The following DISP3 variants were observed in gnomAD, a reference collection of about 807,000 sequenced individuals.
DISP3 encodes protein dispatched homolog 3.
In DISP3, 101 loss-of-function variants were observed where a neutral mutation model predicts 135.3. The ratio of observed to expected loss-of-function variants is 0.75; its 90% confidence interval spans 0.64 to 0.88. DISP3 has a LOEUF of 0.88. Among genes scored for constraint, DISP3 ranks in the 40% least tolerant of loss-of-function variants. The probability of loss-of-function intolerance (pLI) is 0.00; values close to 1 mark genes in which losing one functional copy is unlikely to be tolerated. For synonymous variants in DISP3, 856 were observed against 817.0 expected (o/e 1.05, Z -0.81); for missense variants, 1,713 against 1,878.6 (o/e 0.91, Z 1.63).
intron 1 of DISP3, among the ~76,000 whole-genome samples, chr1:11,486,818 C>T (rs774834928): frequency 1.8e-4 from 28 of 152,078 alleles, no homozygotes; most frequent in African/African-American, 3.6e-4. Flanking sequence ...ATTGGGACTA[C>T]GGGTGCGCAT....
Position 11,524,048 on chromosome 1 carries a change from C to T in DISP3, c.2469C>T (p.Thr823=). Residue 823 remains threonine (T), a synonymous_variant, in exon 11 of 21, where the codon ACC becomes ACT. Coordinates refer to ENST00000294484, the MANE Select transcript of DISP3 (RefSeq NM_020780.2). ...GVPWASRPEA[T]LQDFPGTVYI... ...CCTGGGCTAGCCGGCCTGAGGCCAC[C>T]CTGCAGGGTGAGCACTGGGGGTGGA... The T allele has an allele frequency of 6.2e-7, 1 of 1,610,434 alleles. No homozygotes were observed. Among genetic ancestry groups the T allele is most frequent in the Non-Finnish European group, 8.5e-7 (1 of 1,177,286 alleles).
At position 11,514,396 on chromosome 1, in the gene DISP3, C is replaced by T; in HGVS notation, c.1323C>T (p.Val441=). 3 of 1,611,710 alleles carry T rather than the reference C, an allele frequency of 1.9e-6. No homozygotes were observed. In the South Asian group the frequency reaches 3.3e-5, roughly 18 times the overall value. Residue 441 remains valine (V), a synonymous_variant, in exon 4 of 21, where the codon GTC becomes GTT. Coordinates refer to ENST00000294484, the MANE Select transcript of DISP3 (RefSeq NM_020780.2). ...AMLAKQSTSK[V]QVLYGGTDLF... ...ACGTCCTCCCTTCCCCCAGCAAAGT[C>T]CAGGTTCTCTATGGGGGGACAGACC...
rs753196997 is a variant in DISP3 at position 11,502,116 on chromosome 1, C to T, written c.1096+28C>T. 24 of 1,530,608 alleles carry T rather than the reference C, an allele frequency of 1.6e-5. No individual in the cohort carries two copies. In the East Asian group the frequency reaches 3.6e-4, roughly 23 times the overall value. The allele number at this position is 1,530,608 out of a possible 1,614,324, so 94.8% of individuals were successfully genotyped here. ...GAGCCGCCGGGATGCTGGGAGGGGG[C>T]GTAGGTCCAGGTTTCATACAGCTCT... is the stretch of plus-strand genomic sequence containing the variant. On this transcript the variant is annotated intron_variant, in intron 2 of 20. Transcript: ENST00000294484.
chr1:11,501,437 C>T lies in DISP3; in HGVS notation c.445C>T (p.Gln149Ter). 2 of 1,596,348 alleles carry T rather than the reference C, an allele frequency of 1.3e-6. No individual in the cohort carries two copies. Among genetic ancestry groups the T allele is most frequent in the Non-Finnish European group, 1.7e-6 (2 of 1,171,936 alleles). The change falls in exon 2 of 21, where the codon CAG becomes TAG. Residue 149 changes from glutamine to a stop codon, truncating the protein, a stop_gained. Transcript: ENST00000294484. LOFTEE classifies it high-confidence loss of function. The surrounding 1 kb of genome is among the most constrained non-coding windows in gnomAD (Gnocchi z 4.9). ...DLADFTSETL[Q>*]RLISEQLQQL... is the part of the protein sequence containing the mutation. ...GGCCGACTTCACCTCCGAGACGCTT[C>T]AGCGCCTTATCTCAGAGCAGCTGCA...
At chr1:11,490,984 A>G in intron 1 of DISP3, among the ~76,000 whole-genome samples, 1 of 152,130 alleles carries the variant, frequency 6.6e-6, no homozygotes, top group East Asian at 1.9e-4. Context: ...GTCTGGCCCT[A>G]CCAAGAAGAG....
At chr1:11,480,897 C>T (rs113734994) in intron 1 of DISP3, among the ~76,000 whole-genome samples, 1,825 of 149,148 alleles carry the variant, frequency 0.012, 40 homozygotes, top group African/African-American at 0.043. Flanking sequence ...CATTTTCAGC[C>T]CAGGGTCCAT....
At chr1:11,509,709 T>C (rs1336311569) in intron 3 of DISP3, among the ~76,000 whole-genome samples, 1 of 152,240 alleles carries the variant, frequency 6.6e-6, no homozygotes, top group Non-Finnish European at 1.5e-5. Context: ...AGCTTCTTTT[T>C]TGGTTCATGT....
Position 11,517,501 on chromosome 1 carries a change from C to T in DISP3, c.1788C>T (p.Leu596=), listed in dbSNP as rs376122183. Residue 596 remains leucine, a synonymous_variant, in exon 7 of 21, where the codon CTC becomes CTT. Coordinates refer to ENST00000294484, the MANE Select transcript of DISP3 (RefSeq NM_020780.2). Reference sequence around the variant, plus strand: ...ACGACTTTGGCCTGTTCATGTCTCTCATCGTGTCCTGTTGCTGGCTGGCCG... The same window carrying T: ...ACGACTTTGGCCTGTTCATGTCTCTTATCGTGTCCTGTTGCTGGCTGGCCG... ...AVHDFGLFMS[L]IVSCCWLAVL... The T allele has an allele frequency of 2.4e-5, 39 of 1,614,126 alleles. No individual in the cohort carries two copies. Among genetic ancestry groups the T allele is most frequent in the Non-Finnish European group, 3.2e-5 (38 of 1,180,048 alleles).
intron 17 of DISP3, among the ~76,000 whole-genome samples, chr1:11,532,699 T>TTTTG (rs893212934): frequency 1.4e-4 from 22 of 152,174 alleles, no homozygotes; most frequent in East Asian, 9.7e-4. Context: ...TAACCGGTTT[T>TTTTG]TTTGTTTGTT....
chr1:11,480,613 C>T (rs1640873879), intron 1 of DISP3, among the ~76,000 whole-genome samples: 1 of 151,960 alleles, frequency 6.6e-6, no homozygotes, highest in Non-Finnish European at 1.5e-5. Context: ...CACCGATGCC[C>T]AGTGACTCAC....
intron 12 of DISP3, among the ~76,000 whole-genome samples, chr1:11,526,371 C>T (rs919091026): frequency 9.2e-5 from 14 of 152,240 alleles, no homozygotes; most frequent in Admixed American, 7.2e-4. Context: ...GGTCAGGGAC[C>T]GTGCCCCTCA....
Position 11,491,468 on chromosome 1 carries a change from A to G in DISP3, c.-3-9522A>G, listed in dbSNP as rs1313131686. On this transcript the variant is annotated intron_variant, in intron 1 of 20. Transcript: ENST00000294484. The surrounding 1 kb of genome is among the most constrained non-coding windows in gnomAD (Gnocchi z 4.3). ...TTAAAAACAAAAAACAAAAACAGCC[A>G]GGTGTGGTGGCATGCACCTGTAGTC... 2.0e-5 allele frequency among the ~76,000 whole-genome samples: 3 copies of G among 152,050 alleles called. No homozygotes were observed. The East Asian group carries it at 5.8e-4, about 29-fold the overall frequency.
At chr1:11,510,340 A>G (rs1641824399) in intron 3 of DISP3, among the ~76,000 whole-genome samples, 1 of 151,940 alleles carries the variant, frequency 6.6e-6, no homozygotes, top group Non-Finnish European at 1.5e-5. Context: ...CTCTTTTAGT[A>G]GTTGCTTTAG....
At chr1:11,482,597 C>CTA (rs1263818718) in intron 1 of DISP3, among the ~76,000 whole-genome samples, 1 of 152,148 alleles carries the variant, frequency 6.6e-6, no homozygotes, top group East Asian at 1.9e-4. Flanking sequence ...AATAACAATA[C>CTA]TATAGGTGTT....
chr1:11,531,506 G>T lies in DISP3; in HGVS notation c.3230-59G>T. On this transcript the variant is annotated intron_variant, in intron 16 of 20. Coordinates refer to ENST00000294484, the MANE Select transcript of DISP3 (RefSeq NM_020780.2). The surrounding 1 kb of genome is among the most constrained non-coding windows in gnomAD (Gnocchi z 5.2). Reference sequence around the variant, plus strand: ...GTGAGTGCGTGGGCACAGGTGTGATGCAGGGGGACAGGCTCTTCCAGGGCC... The same window carrying T: ...GTGAGTGCGTGGGCACAGGTGTGATTCAGGGGGACAGGCTCTTCCAGGGCC... 1 of 1,610,436 alleles carries T rather than the reference G, an allele frequency of 6.2e-7. No individual in the cohort carries two copies. The highest frequency in any genetic ancestry group is 8.5e-7 in the Non-Finnish European group (1 of 1,177,946).
rs1409471359 is a variant in DISP3, at chr1:11,536,682, T to C, written c.4175T>C (p.Leu1392Pro). 6.4e-7 allele frequency: 1 copy of C among 1,563,600 alleles called. No individual in the cohort carries two copies. Among genetic ancestry groups the C allele is most frequent in the Non-Finnish European group, 8.7e-7 (1 of 1,155,700 alleles). ...YKIPLPAGAS[L>P] ...ATTCCCCTGCCCGCAGGGGCCTCCC[T>C]ATAGCCCGGGACGGGCTCTGGACAC... The change falls in exon 21 of 21, where the codon CTA becomes CCA. Residue 1392 changes from leucine to proline, a missense_variant. This residue lies in a region of DISP3 where 1,142 missense variants were observed against 1,384.6 expected (regional missense o/e 0.82). Transcript: ENST00000294484. The surrounding 1 kb of genome is among the most constrained non-coding windows in gnomAD (Gnocchi z 4.3).
intron 1 of DISP3, among the ~76,000 whole-genome samples, chr1:11,493,053 C>CAT (rs1328480262): frequency 2.6e-5 from 4 of 152,098 alleles, no homozygotes; most frequent in Non-Finnish European, 5.9e-5. Context: ...TAACCAATAG[C>CAT]ATATATATAT....
chr1:11,519,907 CT>C lies in DISP3; in HGVS notation c.2200+28del, dbSNP rs774088389. The C allele has an allele frequency of 3.8e-6, 6 of 1,585,538 alleles. No individual in the cohort carries two copies. The East Asian group carries it at 6.7e-5, about 18-fold the overall frequency. ...TAAGTGGGCCCTCCGGCCCTGCCCCCTGTCTCACAGCTCCACCCCCAAAACA... is the reference window on the plus strand; with the variant it reads ...TAAGTGGGCCCTCCGGCCCTGCCCCCGTCTCACAGCTCCACCCCCAAAACA... On this transcript the variant is annotated intron_variant, in intron 9 of 20. Transcript: ENST00000294484. This position sits in a 1 kb window ranked among gnomAD's most constrained non-coding sequence, Gnocchi z 4.3.
At chr1:11,530,786 A>C (rs1642555526) in intron 15 of DISP3, 121 bp from the exon 16 acceptor site, 4 of 1,356,934 alleles carry the variant, frequency 2.9e-6, no homozygotes, top group Non-Finnish European at 4.1e-6. Context: ...GGCTGCCAAC[A>C]TGAGGGTGAC....
Sources: allele counts gnomAD v4.1 joint callset (sites outside exome capture counted in the v4.1 genomes callset), GRCh38; gene constraint gnomAD v4.1.1; regional missense constraint gnomAD v4.1.1; non-coding constraint Gnocchi (gnomAD v3.1); transcripts MANE v1.5; gene names NCBI Gene and HGNC (gene_info 2026-07-23, HGNC 2026-07-21).